The following UNC5D variants were observed in gnomAD, a reference collection of about 807,000 sequenced individuals.
UNC5D encodes the protein unc-5 netrin receptor D.
Under a neutral mutation model 105.4 loss-of-function variants are expected in UNC5D, and 39 were observed. The ratio of observed to expected loss-of-function variants is 0.37; its 90% CI spans 0.29 to 0.48. The LOEUF (loss-of-function observed/expected upper bound fraction) is 0.48. UNC5D is among the 20% of genes least tolerant of loss of function. The pLI is 0.98. For synonymous variants in UNC5D, 452 were observed against 450.4 expected (o/e 1.00, Z -0.04); for missense variants, 991 against 1,202.4 (o/e 0.82, Z 2.60).
rs528961706 is a variant in UNC5D at position 35,357,608 on chromosome 8, C to T, written c.103+121721C>T. Among the ~76,000 whole-genome samples, 6 of 152,222 alleles carry T rather than the reference C, an allele frequency of 3.9e-5. No individual in the cohort carries two copies. The East Asian group carries it at 1.2e-3, about 29-fold the overall frequency. ...ATTACTGTGTTGGCTTTGCTTATTT[C>T]CTAGTCTGTATCTCCTGTTAGATTA... On this transcript the variant is annotated intron_variant, in intron 1 of 16. Transcript: ENST00000404895.
intron 4 of UNC5D, among the ~76,000 whole-genome samples, chr8:35,621,561 G>A (rs1821361698): frequency 6.6e-6 from 1 of 152,146 alleles, no homozygotes; most frequent in Non-Finnish European, 1.5e-5. Flanking sequence ...AAGTCAATGA[G>A]GGAAGTATGG....
At chr8:35,563,779 G>A (rs541946539) in intron 2 of UNC5D, among the ~76,000 whole-genome samples, 5 of 152,044 alleles carry the variant, frequency 3.3e-5, no homozygotes, top group African/African-American at 1.2e-4. Flanking sequence ...AATGTTTGAG[G>A]TATGTTCTTT....
At chr8:35,765,949 G>A (rs1586611315) in intron 14 of UNC5D, among the ~76,000 whole-genome samples, 1 of 152,182 alleles carries the variant, frequency 6.6e-6, no homozygotes, top group Non-Finnish European at 1.5e-5. Context: ...TCATTGCCAA[G>A]GGCCAAGCCA....
rs548188070 is a variant in UNC5D at position 35,333,998 on chromosome 8, A to G, written c.103+98111A>G. ...ATCAACATCAATAAAAATGACTCCA[A>G]CAGAGCATTTTACTCTGTAGGAAAT... On this transcript the variant is annotated intron_variant, in intron 1 of 16. Coordinates refer to ENST00000404895, the MANE Select transcript of UNC5D (RefSeq NM_080872.4). Among the ~76,000 whole-genome samples, 38 of 152,310 alleles carry G rather than the reference A, an allele frequency of 2.5e-4. 1 individual carries two copies. Among genetic ancestry groups the G allele is most frequent in the Non-Finnish European group, 4.7e-4 (32 of 68,022 alleles).
At chr8:35,410,538 G>T in intron 1 of UNC5D, among the ~76,000 whole-genome samples, 1 of 152,006 alleles carries the variant, frequency 6.6e-6, no homozygotes, top group East Asian at 1.9e-4. Context: ...AAGAGTCTTG[G>T]TATTGTGGAA....
At chr8:35,399,517 G>A (rs1023304879) in intron 1 of UNC5D, among the ~76,000 whole-genome samples, 5 of 152,036 alleles carry the variant, frequency 3.3e-5, no homozygotes, top group Admixed American at 6.6e-5. Context: ...TTCAAGCCAC[G>A]TATTTTCTGC....
At chr8:35,718,671 C>T (rs1336522102) in intron 8 of UNC5D, among the ~76,000 whole-genome samples, 2 of 152,110 alleles carry the variant, frequency 1.3e-5, no homozygotes, top group South Asian at 2.1e-4. Context: ...CTAGGAAGTA[C>T]AAGTGATACA....
At chr8:35,531,199 C>T (rs1814341204) in intron 1 of UNC5D, among the ~76,000 whole-genome samples, 1 of 89,820 alleles carries the variant, frequency 1.1e-5, no homozygotes, top group Non-Finnish European at 2.2e-5. Flanking sequence ...ATAAATTTCC[C>T]TCTACACACT....
chr8:35,549,314 T>G lies in UNC5D; in HGVS notation c.126T>G (p.Leu42=), dbSNP rs1815928961. ...AARGTDNGEA[L]PESIPSAPGT... ...CAGGAACTGACAATGGCGAAGCCCT[T>G]CCCGAATCCATCCCATCAGCTCCTG... The change falls in exon 2 of 17, where the codon CTT becomes CTG. Residue 42 remains leucine (L), a synonymous_variant. Transcript: ENST00000404895. The G allele has an allele frequency of 6.2e-7, 1 of 1,613,142 alleles. No individual in the cohort carries two copies. Among genetic ancestry groups the G allele is most frequent in the Non-Finnish European group, 8.5e-7 (1 of 1,180,044 alleles).
At chr8:35,588,941 G>A (rs1318031071) in intron 3 of UNC5D, among the ~76,000 whole-genome samples, 2 of 152,098 alleles carry the variant, frequency 1.3e-5, no homozygotes, top group Non-Finnish European at 2.9e-5. Context: ...TACTCAGGAG[G>A]TTGAGGCAGG....
intron 1 of UNC5D, among the ~76,000 whole-genome samples, chr8:35,324,195 C>T (rs1364161758): frequency 7.2e-6 from 1 of 139,734 alleles, no homozygotes; most frequent in Non-Finnish European, 1.5e-5. Context: ...ATCACACCAC[C>T]GTACACCAGC....
At chr8:35,286,178 A>G (rs868563643) in intron 1 of UNC5D, among the ~76,000 whole-genome samples, 2 of 152,170 alleles carry the variant, frequency 1.3e-5, no homozygotes, top group African/African-American at 2.4e-5. Context: ...ATCAATATAT[A>G]TGACTTTAAG....
At chr8:35,370,345 G>A (rs1528708) in intron 1 of UNC5D, among the ~76,000 whole-genome samples, 66,387 of 152,002 alleles carry the variant, frequency 0.44, 14,788 homozygotes, top group East Asian at 0.7. Flanking sequence ...ACCACAGTTG[G>A]ATCTGTTGAA....
intron 1 of UNC5D, among the ~76,000 whole-genome samples, chr8:35,277,023 G>A (rs1418597527): frequency 6.6e-6 from 1 of 152,166 alleles, no homozygotes; most frequent in Admixed American, 6.5e-5. Flanking sequence ...AATCACTAAT[G>A]TCTTTAGATG....
chr8:35,247,632 A>G (rs1398622294), intron 1 of UNC5D, among the ~76,000 whole-genome samples: 1 of 73,084 alleles, frequency 1.4e-5, no homozygotes, highest in African/African-American at 6.1e-5. Flanking sequence ...AAATATATAT[A>G]ATATATAAAT....
intron 1 of UNC5D, among the ~76,000 whole-genome samples, chr8:35,469,162 C>A (rs370536530): frequency 3.9e-5 from 6 of 152,126 alleles, no homozygotes; most frequent in East Asian, 1.9e-4. Flanking sequence ...ATTTATCAGA[C>A]CTGTGTAGGT....
At chr8:35,636,946 G>A (rs1822415715) in intron 4 of UNC5D, among the ~76,000 whole-genome samples, 1 of 152,180 alleles carries the variant, frequency 6.6e-6, no homozygotes. Context: ...TCTGCCTGAA[G>A]TCTGTTTCTG....
chr8:35,485,865 A>C (rs1810785489), intron 1 of UNC5D, among the ~76,000 whole-genome samples: 3 of 152,186 alleles, frequency 2.0e-5, no homozygotes, highest in Admixed American at 1.3e-4. Flanking sequence ...TGATCGAAGA[A>C]TGTTTCTTCC....
chr8:35,258,833 C>G (rs1166497390), intron 1 of UNC5D, among the ~76,000 whole-genome samples: 1 of 151,994 alleles, frequency 6.6e-6, no homozygotes, highest in East Asian at 1.9e-4. Flanking sequence ...GGCATCACAG[C>G]CAAGAGCCTC....
Sources: gnomAD v4.1 joint callset for allele counts (sites outside exome capture counted in the v4.1 genomes callset) on GRCh38, gnomAD v4.1.1 for gene constraint, MANE v1.5 for transcripts, NCBI Gene and HGNC (gene_info 2026-07-23, HGNC 2026-07-21) for gene names.